LSAMP: variants seen among roughly 807,000 people sequenced by gnomAD.
LSAMP encodes limbic system associated membrane protein, also known as limbic system-associated membrane protein.
In LSAMP, 7 loss-of-function variants were observed where a neutral mutation model predicts 38.6. That is an observed-to-expected ratio of 0.18 (90% CI 0.10 to 0.34). The LOEUF (loss-of-function observed/expected upper bound fraction) is 0.34. LSAMP is among the 10% of genes least tolerant of loss of function. The pLI is 1.00. For synonymous variants in LSAMP, 154 were observed against 166.8 expected (o/e 0.92, Z 0.59); for missense variants, 313 against 420.0 (o/e 0.75, Z 2.23).
At chr3:116,112,118 G>A (rs1415970902) in intron 1 of LSAMP, among the ~76,000 whole-genome samples, 1 of 152,202 alleles carries the variant, frequency 6.6e-6, no homozygotes, top group Middle Eastern at 3.2e-3. Flanking sequence ...TAACAAAATT[G>A]AAAGTTTTAT....
chr3:116,442,353 C>T (rs895548471), intron 1 of LSAMP, among the ~76,000 whole-genome samples: 2 of 152,136 alleles, frequency 1.3e-5, no homozygotes, highest in Non-Finnish European at 2.9e-5. Context: ...CTAGCCATTT[C>T]ACTTTCTCGG....
At chr3:115,892,751 T>A (rs923411149) in intron 3 of LSAMP, among the ~76,000 whole-genome samples, 1 of 151,264 alleles carries the variant, frequency 6.6e-6, no homozygotes, top group African/African-American at 2.4e-5. Flanking sequence ...ATAGCTATCA[T>A]CAAAATGGAA....
At chr3:116,258,448 T>G (rs1559802273) in intron 1 of LSAMP, among the ~76,000 whole-genome samples, 1 of 152,030 alleles carries the variant, frequency 6.6e-6, no homozygotes, top group East Asian at 1.9e-4. Flanking sequence ...GCTAGTATAT[T>G]AGAAACCCGT....
chr3:116,292,389 T>TAATA (rs58445444), intron 1 of LSAMP, among the ~76,000 whole-genome samples: 1 of 151,838 alleles, frequency 6.6e-6, no homozygotes, highest in Non-Finnish European at 1.5e-5. Flanking sequence ...AATAAATCAT[T>TAATA]AATAAATAAG....
At chr3:116,428,073 C>T (rs2049227770) in intron 1 of LSAMP, among the ~76,000 whole-genome samples, 1 of 152,150 alleles carries the variant, frequency 6.6e-6, no homozygotes, top group Non-Finnish European at 1.5e-5. Context: ...TCCATTTACG[C>T]TCTACTTTAT....
intron 1 of LSAMP, among the ~76,000 whole-genome samples, chr3:116,326,100 T>C (rs558842760): frequency 6.6e-6 from 1 of 152,290 alleles, no homozygotes; most frequent in Non-Finnish European, 1.5e-5. Context: ...ATTATTTTTG[T>C]AATAACTCAT....
chr3:116,158,972 T>A (rs912027187), intron 1 of LSAMP, among the ~76,000 whole-genome samples: 7 of 152,058 alleles, frequency 4.6e-5, no homozygotes, highest in Admixed American at 4.6e-4. Flanking sequence ...AGGCATCATG[T>A]GATCTTCGAC....
chr3:116,198,243 G>A lies in LSAMP; in HGVS notation c.156-111687C>T, dbSNP rs113504253. Among the ~76,000 whole-genome samples, 262 of 152,278 alleles carry A rather than the reference G, an allele frequency of 1.7e-3. 1 individual carries two copies. The highest frequency in any genetic ancestry group is 5.9e-3 in the African/African-American group (247 of 41,544). ...ACCACAGTTTACAGGGATAAAAAGG[G>A]GAAAATAGACTTGATGTTCCTTTGG... On this transcript the variant is annotated intron_variant, in intron 1 of 6. Coordinates refer to ENST00000490035, the MANE Select transcript of LSAMP (RefSeq NM_002338.5).
At chr3:116,365,765 A>C (rs1356606770) in intron 1 of LSAMP, among the ~76,000 whole-genome samples, 2 of 107,058 alleles carry the variant, frequency 1.9e-5, no homozygotes, top group Non-Finnish European at 3.5e-5. Flanking sequence ...TCGCAAGAAC[A>C]AAAAACCAAA....
chr3:115,862,695 G>A (rs564932868), intron 3 of LSAMP, among the ~76,000 whole-genome samples: 18 of 152,294 alleles, frequency 1.2e-4, no homozygotes, highest in African/African-American at 4.3e-4. Flanking sequence ...TAGCTCAGGG[G>A]TCAAAACAAA....
rs577110557 is a variant in LSAMP at position 116,256,321 on chromosome 3, C to T, written c.156-169765G>A. Among the ~76,000 whole-genome samples the T allele has an allele frequency of 1.8e-4, 27 of 152,276 alleles. No homozygotes were observed. The South Asian group carries it at 3.1e-3, about 18-fold the overall frequency. ...CCAACCAGCAAAGCAAGAGCATTTG[C>T]GCAGACCTCAGTAGTGCACACAAGC... On this transcript the variant is annotated intron_variant, in intron 1 of 6. Coordinates refer to ENST00000490035, the MANE Select transcript of LSAMP (RefSeq NM_002338.5).
At chr3:116,343,468 T>C (rs2048023663) in intron 1 of LSAMP, among the ~76,000 whole-genome samples, 1 of 152,120 alleles carries the variant, frequency 6.6e-6, no homozygotes, top group African/African-American at 2.4e-5. Context: ...AAATAGCTTC[T>C]TAGGTTTCAG....
At chr3:116,003,277 C>T (rs562236403) in intron 3 of LSAMP, among the ~76,000 whole-genome samples, 4 of 152,262 alleles carry the variant, frequency 2.6e-5, no homozygotes, top group Non-Finnish European at 4.4e-5. Context: ...CATTGCGTTA[C>T]GTATTTCCTC....
At chr3:116,270,202 T>TAGTC (rs1463161534) in intron 1 of LSAMP, among the ~76,000 whole-genome samples, 1 of 152,108 alleles carries the variant, frequency 6.6e-6, no homozygotes, top group Non-Finnish European at 1.5e-5. Context: ...ATTGGTCAAT[T>TAGTC]AGTCACCGCA....
At chr3:115,832,336 A>G (rs1371301779) in intron 6 of LSAMP, among the ~76,000 whole-genome samples, 1 of 152,206 alleles carries the variant, frequency 6.6e-6, no homozygotes, top group Non-Finnish European at 1.5e-5. Context: ...AGGCCATTTT[A>G]CGTCAACCAA....
At chr3:116,182,950 G>C (rs1710521709) in intron 1 of LSAMP, among the ~76,000 whole-genome samples, 1 of 151,820 alleles carries the variant, frequency 6.6e-6, no homozygotes, top group Non-Finnish European at 1.5e-5. Flanking sequence ...ACATGGGGTG[G>C]AGTTGAAGCT....
At chr3:116,101,126 G>A (rs2107450206) in intron 1 of LSAMP, among the ~76,000 whole-genome samples, 1 of 152,230 alleles carries the variant, frequency 6.6e-6, no homozygotes, top group Middle Eastern at 3.4e-3. Flanking sequence ...ATTACTCAAT[G>A]GATGAATGAA....
At position 116,037,530 on chromosome 3, in the gene LSAMP, A is replaced by G. The variant is rs114632515; in HGVS notation, c.389-17890T>C. On this transcript the variant is annotated intron_variant, in intron 2 of 6. Transcript: ENST00000490035. ...TCAGTCTCTTTATCTCCAAAGAGAT[A>G]AAAATAACATTCCAATTTTCTAGAT... is the stretch of plus-strand genomic sequence containing the variant. Among the ~76,000 whole-genome samples, 322 of 152,258 alleles carry G rather than the reference A, an allele frequency of 2.1e-3. 1 individual carries two copies. Among genetic ancestry groups the G allele is most frequent in the African/African-American group, 7.4e-3 (309 of 41,560 alleles).
At chr3:116,184,657 C>G (rs561183723) in intron 1 of LSAMP, among the ~76,000 whole-genome samples, 1 of 151,830 alleles carries the variant, frequency 6.6e-6, no homozygotes, top group Non-Finnish European at 1.5e-5. Flanking sequence ...GCTTCAGATA[C>G]GATTGCTTGC....
Sources: gnomAD v4.1 joint callset for allele counts (sites outside exome capture counted in the v4.1 genomes callset) on GRCh38, gnomAD v4.1.1 for gene constraint, MANE v1.5 for transcripts, NCBI Gene and HGNC (gene_info 2026-07-23, HGNC 2026-07-21) for gene names.